DACH1: variants seen among roughly 807,000 people sequenced by gnomAD.
DACH1 encodes the protein dachshund family transcription factor 1.
DACH1 carries 12 observed loss-of-function variants against 54.2 expected under a neutral mutation model. That is an observed-to-expected ratio of 0.22 (90% CI 0.14 to 0.36). The LOEUF is 0.36. Among genes scored for constraint, DACH1 ranks in the 10% least tolerant of loss-of-function variants. DACH1 has a pLI of 1.00. For synonymous variants in DACH1, 386 were observed against 366.2 expected, an observed-to-expected ratio of 1.05 and a Z score of -0.62; for missense variants, 805 against 929.8, an observed-to-expected ratio of 0.87 and a Z score of 1.75.
At chr13:71,574,570 A>G (rs1885418896) in intron 3 of DACH1, among the ~76,000 whole-genome samples, 1 of 151,922 alleles carries the variant, frequency 6.6e-6, no homozygotes. Flanking sequence ...ATTTTTTTCC[A>G]TTTACTTCAT....
chr13:71,540,762 G>A (rs1883078025), intron 6 of DACH1, among the ~76,000 whole-genome samples: 1 of 151,898 alleles, frequency 6.6e-6, no homozygotes, highest in Non-Finnish European at 1.5e-5. Flanking sequence ...TAACTCTCAT[G>A]ACTTAGGGTA....
chr13:71,698,337 A>T (rs1439565728), intron 1 of DACH1, among the ~76,000 whole-genome samples: 1 of 152,200 alleles, frequency 6.6e-6, no homozygotes, highest in African/African-American at 2.4e-5. Flanking sequence ...AGGAATTAAA[A>T]ATCAAATCAA....
chr13:71,771,783 CAT>C (rs1450093114), intron 1 of DACH1, among the ~76,000 whole-genome samples: 5 of 150,940 alleles, frequency 3.3e-5, no homozygotes, highest in Non-Finnish European at 4.4e-5. Context: ...CACACACACA[CAT>C]ACACACACAC....
intron 2 of DACH1, among the ~76,000 whole-genome samples, chr13:71,644,721 C>A (rs74096986): frequency 0.011 from 1,663 of 152,280 alleles, 21 homozygotes; most frequent in African/African-American, 0.033. Flanking sequence ...CTACTTCATT[C>A]CAGGGACATG....
intron 3 of DACH1, among the ~76,000 whole-genome samples, chr13:71,576,307 A>G (rs1885522198): frequency 6.6e-6 from 1 of 152,168 alleles, no homozygotes. Flanking sequence ...TCTTCTGTGT[A>G]AAAGATGGGA....
At chr13:71,458,622 A>T (rs1875798484) in intron 10 of DACH1, among the ~76,000 whole-genome samples, 1 of 151,956 alleles carries the variant, frequency 6.6e-6, no homozygotes, top group South Asian at 2.1e-4. Context: ...GCTAAAAATG[A>T]GTTCTACTAG....
At chr13:71,666,892 C>T (rs995503399) in intron 2 of DACH1, among the ~76,000 whole-genome samples, 6 of 152,030 alleles carry the variant, frequency 3.9e-5, no homozygotes, top group African/African-American at 7.2e-5. Context: ...AGGAGAATTG[C>T]TTGAATCTGG....
chr13:71,748,104 C>G (rs1366359592), intron 1 of DACH1, among the ~76,000 whole-genome samples: 1 of 151,924 alleles, frequency 6.6e-6, no homozygotes, highest in African/African-American at 2.4e-5. Flanking sequence ...TTATTACTTA[C>G]TGGCCAGCTT....
chr13:71,740,125 C>T (rs543554929), intron 1 of DACH1, among the ~76,000 whole-genome samples: 31 of 152,264 alleles, frequency 2.0e-4, no homozygotes, highest in African/African-American at 5.8e-4. Flanking sequence ...GAATCCCACA[C>T]GCAAAAGTAG....
At chr13:71,592,512 A>AG (rs1873800842) in intron 3 of DACH1, among the ~76,000 whole-genome samples, 1 of 149,116 alleles carries the variant, frequency 6.7e-6, no homozygotes, top group African/African-American at 2.5e-5. Flanking sequence ...AAAAAAAAAA[A>AG]AAAAAGAAAA....
chr13:71,554,332 CAAT>C (rs1278565177), intron 6 of DACH1, among the ~76,000 whole-genome samples: 6 of 151,938 alleles, frequency 3.9e-5, no homozygotes, highest in Non-Finnish European at 7.4e-5. Flanking sequence ...CATTTGAAAT[CAAT>C]GATACTTTCA....
chr13:71,852,735 G>A (rs1873755144), intron 1 of DACH1, among the ~76,000 whole-genome samples: 1 of 152,130 alleles, frequency 6.6e-6, no homozygotes, highest in South Asian at 2.1e-4. Context: ...AAGGACATAT[G>A]AGCCACAAAA....
At chr13:71,497,611 C>T (rs1977535) in intron 6 of DACH1, among the ~76,000 whole-genome samples, 135,169 of 152,114 alleles carry the variant, frequency 0.89, 61,814 homozygotes, top group Non-Finnish European at 0.99. Context: ...GGATTACAGG[C>T]GTGAGCCACT....
At position 71,565,216 on chromosome 13, in the gene DACH1, T is replaced by C. The variant is rs571212783; in HGVS notation, c.1300-5261A>G. Among the ~76,000 whole-genome samples, 11 of 152,170 alleles carry C rather than the reference T, an allele frequency of 7.2e-5. No homozygotes were observed. In the South Asian group the frequency reaches 2.1e-3, roughly 29 times the overall value. ...GCCACCGTGCCCAGCCTAAATGTTA[T>C]CTTCATATAACTTTTAATTTATAAA... On this transcript the variant is annotated intron_variant, in intron 4 of 10. Coordinates refer to ENST00000613252, the MANE Select transcript of DACH1 (RefSeq NM_080759.6).
chr13:71,669,825 T>C (rs1163883842), intron 2 of DACH1, among the ~76,000 whole-genome samples: 1 of 152,156 alleles, frequency 6.6e-6, no homozygotes, highest in East Asian at 1.9e-4. Context: ...TTCCTACCTG[T>C]AATGGCTGAA....
intron 6 of DACH1, among the ~76,000 whole-genome samples, chr13:71,533,873 A>T (rs1444216448): frequency 6.6e-6 from 1 of 152,090 alleles, no homozygotes; most frequent in South Asian, 2.1e-4. Context: ...TGGTATTTCA[A>T]CAAGGGTCAT....
At chr13:71,850,544 C>G (rs1054012034) in intron 1 of DACH1, among the ~76,000 whole-genome samples, 1 of 152,222 alleles carries the variant, frequency 6.6e-6, no homozygotes, top group East Asian at 1.9e-4. Flanking sequence ...CCACCTCCGA[C>G]GTGCAAGTAT....
At chr13:71,561,571 A>G (rs1467253689) in intron 4 of DACH1, among the ~76,000 whole-genome samples, 3 of 152,266 alleles carry the variant, frequency 2.0e-5, no homozygotes, top group Non-Finnish European at 4.4e-5. Context: ...CAAAGGGAGC[A>G]TGGTCCTCAT....
intron 1 of DACH1, among the ~76,000 whole-genome samples, chr13:71,726,994 A>T (rs531577882): frequency 3.9e-4 from 59 of 152,230 alleles, no homozygotes; most frequent in Non-Finnish European, 8.2e-4. Context: ...GCTGTTTTCT[A>T]TGTAAAATGA....
Sources: allele counts gnomAD v4.1 joint callset (sites outside exome capture counted in the v4.1 genomes callset), GRCh38; gene constraint gnomAD v4.1.1; transcripts MANE v1.5; gene names NCBI Gene and HGNC (gene_info 2026-07-23, HGNC 2026-07-21).